The following C11orf54 variants were observed in gnomAD, a reference collection of about 807,000 sequenced individuals.
The protein encoded by C11orf54 is beta-keto L-gulonate decarboxylase.
C11orf54 carries 29 observed loss-of-function variants against 35.5 expected under a neutral mutation model. The ratio of observed to expected loss-of-function variants is 0.82; its 90% CI spans 0.61 to 1.11. The LOEUF is 1.11. Ranked by LOEUF, C11orf54 falls within the 50% of genes most tolerant of loss-of-function variation. The pLI is 0.00. For synonymous variants in C11orf54, 108 were observed against 121.1 expected (o/e 0.89, Z 0.71); for missense variants, 373 against 369.2 (o/e 1.01, Z -0.08).
intron 8 of C11orf54, 40 bp from the exon 9 acceptor site, chr11:93,761,475 A>G (rs750846929): frequency 3.3e-6 from 5 of 1,518,890 alleles, no homozygotes; most frequent in South Asian, 2.6e-5. Flanking sequence ...ACTCTAATCA[A>G]TAATTTGAGT....
At position 93,753,360 on chromosome 11, in the gene C11orf54, A is replaced by ATT. The variant is rs35387809; in HGVS notation, c.155-315_155-314dup. Among the ~76,000 whole-genome samples, 5 of 151,926 alleles carry ATT rather than the reference A, an allele frequency of 3.3e-5. No individual in the cohort carries two copies. In the East Asian group the frequency reaches 7.7e-4, roughly 24 times the overall value. On this transcript the variant is annotated intron_variant, in intron 3 of 8. Coordinates refer to ENST00000354421, the MANE Select transcript of C11orf54 (RefSeq NM_001286069.2). ...AAAAAGGAAAACCACCCCAAAATAG[A>ATT]TTTTTTTTAAAGAAATAAGGCGTCA... is the stretch of plus-strand genomic sequence containing the variant.
rs772267032 is a variant in C11orf54 at position 93,755,338 on chromosome 11, G to T, written c.459G>T (p.Gln153His). ...ACAGTGAGAAATGTCATGATTTTCA[G>T]TGTGCATTACTGGCTAATCTTTTTG... ...EKYSEKCHDF[Q>H]CALLANLFAS... is the part of the protein sequence containing the mutation. Residue 153 changes from glutamine to histidine, a missense_variant, in exon 6 of 9, where the codon CAG becomes CAT. Transcript: ENST00000354421. The T allele has an allele frequency of 4.3e-5, 70 of 1,614,058 alleles. No homozygotes were observed. Among genetic ancestry groups the T allele is most frequent in the Non-Finnish European group, 5.8e-5 (69 of 1,180,038 alleles).
intron 6 of C11orf54, 150 bp downstream of exon 6, chr11:93,755,536 A>C: frequency 2.6e-6 from 2 of 775,140 alleles, no homozygotes; most frequent in Non-Finnish European, 4.0e-6. Flanking sequence ...GGTCAACTTG[A>C]GGTCAGGAGT....
rs1476422327 is a variant in C11orf54 at position 93,753,820 on chromosome 11, T to TTA, written c.228+67_228+68dup. The TTA allele has an allele frequency of 1.0e-4, 163 of 1,565,326 alleles. No homozygotes were observed. In the Admixed American group the frequency reaches 2.8e-3, roughly 26 times the overall value. On this transcript the variant is annotated intron_variant, in intron 4 of 8. Transcript: ENST00000354421. ...GAAGTTGGGTTGATTACTGTGTTTA[T>TTA]TATTAGAAGACCTGTTGATCAGTTG... is the stretch of plus-strand genomic sequence containing the variant.
intron 5 of C11orf54, 144 bp from the exon 6 acceptor site, chr11:93,755,066 A>G (rs754537214): frequency 3.3e-6 from 3 of 909,832 alleles, no homozygotes; most frequent in Non-Finnish European, 4.7e-6. Flanking sequence ...TTTTATGTCT[A>G]AAATTAAATA....
rs190320548 is a variant in C11orf54, at chr11:93,750,298, C to T, written c.56-48C>T. ...ACATACCACTTTTGATACGTGGTAG[C>T]CAAGTTTTTACCTAATGTTAAATAA... is the stretch of plus-strand genomic sequence containing the variant. On this transcript the variant is annotated intron_variant, in intron 2 of 8. Coordinates refer to ENST00000354421, the MANE Select transcript of C11orf54 (RefSeq NM_001286069.2). The T allele has an allele frequency of 5.0e-4, 760 of 1,518,408 alleles. 3 individuals are homozygous for T. The African/African-American group carries it at 9.3e-3, about 19-fold the overall frequency. The allele number at this position is 1,518,408 out of a possible 1,614,324, so 94.1% of individuals were successfully genotyped here.
At chr11:93,754,402 T>C (rs1565267524) in intron 5 of C11orf54, among the ~76,000 whole-genome samples, 2 of 152,220 alleles carry the variant, frequency 1.3e-5, no homozygotes, top group Non-Finnish European at 2.9e-5. Flanking sequence ...AATGGAATAT[T>C]AGTGATCTAG....
At chr11:93,758,496 G>A (rs1326160725) in intron 7 of C11orf54, among the ~76,000 whole-genome samples, 2 of 152,242 alleles carry the variant, frequency 1.3e-5, no homozygotes. Flanking sequence ...ATTCTTGGGG[G>A]TCTGGGAAGG....
chr11:93,754,181 T>C, intron 5 of C11orf54, 144 bp downstream of exon 5: 3 of 684,772 alleles, frequency 4.4e-6, no homozygotes, highest in East Asian at 2.7e-5. Context: ...ATTTCTGCTA[T>C]AGCACACACT....
Position 93,764,495 on chromosome 11 carries a change from C to T in C11orf54, c.*2807C>T, listed in dbSNP as rs919531496. ...TGTACATTTCTTACGTTAGGGATTT[C>T]AGTTCAAAATTGTATTGCTGATAGA... is the stretch of plus-strand genomic sequence containing the variant. On this transcript the variant is annotated 3_prime_UTR_variant, in exon 9 of 9. Coordinates refer to ENST00000354421, the MANE Select transcript of C11orf54 (RefSeq NM_001286069.2). The T allele has an allele frequency of 1.3e-5, 2 of 152,136 alleles. No individual in the cohort carries two copies. Among genetic ancestry groups the T allele is most frequent in the Non-Finnish European group, 2.9e-5 (2 of 68,030 alleles). The allele number at this position is 152,136 out of a possible 1,614,324, so 9.4% of individuals were successfully genotyped here. A position where few individuals can be genotyped will look rare whatever the true frequency, so the allele number is the denominator to read the frequency against.
chr11:93,758,804 A>C (rs929854309), intron 7 of C11orf54, among the ~76,000 whole-genome samples: 7 of 152,362 alleles, frequency 4.6e-5, no homozygotes, highest in South Asian at 2.1e-4. Context: ...CGTGATCGGC[A>C]GCAGGAGGCA....
Position 93,755,331 on chromosome 11 carries a change from A to C in C11orf54, c.452A>C (p.Asp151Ala). The stretch of plus-strand genomic sequence containing the variant: ...GAGAAATACAGTGAGAAATGTCATG[A>C]TTTTCAGTGTGCATTACTGGCTAAT... Reference protein sequence around the residue: ...LLEKYSEKCHDFQCALLANLF... With the variant: ...LLEKYSEKCHAFQCALLANLF... Residue 151 changes from aspartate (D) to alanine (A), a missense_variant, in exon 6 of 9, where the codon GAT (aspartate) becomes GCT (alanine). By Grantham distance (126) the Asp-to-Ala change is moderately radical. Transcript: ENST00000354421. The C allele has an allele frequency of 6.2e-7, 1 of 1,614,126 alleles. No homozygotes were observed. Among genetic ancestry groups the C allele is most frequent in the Non-Finnish European group, 8.5e-7 (1 of 1,180,026 alleles).
Position 93,757,186 on chromosome 11 carries a change from C to T in C11orf54, c.508-130C>T, listed in dbSNP as rs1474851291. The T allele has an allele frequency of 5.2e-6, 5 of 960,450 alleles. No homozygotes were observed. The East Asian group carries it at 1.1e-4, about 20-fold the overall frequency. The allele number at this position is 960,450 out of a possible 1,614,324, so 59.5% of individuals were successfully genotyped here. ...ATCAAAATTCACGGGATTGCAACAT[C>T]TCAACTCAGATCTGGGGGCTCTAAG... is the stretch of plus-strand genomic sequence containing the variant. On this transcript the variant is annotated intron_variant, in intron 6 of 8. Coordinates refer to ENST00000354421, the MANE Select transcript of C11orf54 (RefSeq NM_001286069.2).
At chr11:93,745,184 C>T (rs535169385) in intron 1 of C11orf54, among the ~76,000 whole-genome samples, 7 of 152,268 alleles carry the variant, frequency 4.6e-5, no homozygotes, top group East Asian at 1.9e-4. Context: ...CAGGGATATG[C>T]GGGAAACAGA....
chr11:93,756,442 A>G (rs1173261351), intron 6 of C11orf54, among the ~76,000 whole-genome samples: 1 of 151,016 alleles, frequency 6.6e-6, no homozygotes, highest in African/African-American at 2.4e-5. Context: ...GCAACGAGCT[A>G]TGATCACACC....
chr11:93,749,655 T>C (rs900801787), intron 2 of C11orf54, among the ~76,000 whole-genome samples: 1 of 151,768 alleles, frequency 6.6e-6, no homozygotes, highest in Non-Finnish European at 1.5e-5. Flanking sequence ...TCTCTACATA[T>C]AAAAGAAAAA....
chr11:93,763,074 T>A lies in C11orf54; in HGVS notation c.*1386T>A, dbSNP rs1188341598. 6.6e-6 allele frequency: 1 copy of A among 152,218 alleles called. No homozygotes were observed. The highest frequency in any genetic ancestry group is 2.4e-5 in the African/African-American group (1 of 41,450). 9.4% of individuals were successfully genotyped at this position (152,218 alleles called of 1,614,324 possible). ...TGATGCAAAAAAATGAATAAAAAAT[T>A]TAATTTATGATATGTTTGTAATATC... On this transcript the variant is annotated 3_prime_UTR_variant, in exon 9 of 9. Transcript: ENST00000354421.
chr11:93,746,420 A>G (rs963110089), intron 1 of C11orf54: 10 of 152,018 alleles, frequency 6.6e-5, no homozygotes, highest in African/African-American at 2.4e-4. Flanking sequence ...TATTACTTAT[A>G]TTTTTCCCTG....
At chr11:93,758,238 C>G (rs1202034844) in intron 7 of C11orf54, among the ~76,000 whole-genome samples, 1 of 152,200 alleles carries the variant, frequency 6.6e-6, no homozygotes, top group Admixed American at 6.5e-5. Context: ...GAGTCCTGCC[C>G]CTTCCGAGTT....
Sources: allele counts gnomAD v4.1 joint callset (sites outside exome capture counted in the v4.1 genomes callset), GRCh38; gene constraint gnomAD v4.1.1; transcripts MANE v1.5; gene names NCBI Gene and HGNC (gene_info 2026-07-23, HGNC 2026-07-21).